DROSHA: variants seen among roughly 807,000 people sequenced by gnomAD.
DROSHA encodes ribonuclease 3.
Under a neutral mutation model 181.9 loss-of-function variants are expected in DROSHA, and 56 were observed. The observed-to-expected ratio is 0.31, with a 90% CI of 0.25 to 0.38. DROSHA has a LOEUF of 0.38. Ranked by LOEUF, DROSHA falls within the 10% of genes least tolerant of loss-of-function variation. The probability of loss-of-function intolerance (pLI) is 1.00; values close to 1 mark genes in which losing one functional copy is unlikely to be tolerated. For missense variants in DROSHA, 1,218 were observed against 1,743.5 expected (o/e 0.70, Z 5.37); for synonymous variants, 524 against 591.2 (o/e 0.89, Z 1.65).
chr5:31,476,255 C>G (rs1750359211), intron 16 of DROSHA, among the ~76,000 whole-genome samples: 1 of 152,160 alleles, frequency 6.6e-6, no homozygotes, highest in African/African-American at 2.4e-5. Context: ...ATCCCAGCTA[C>G]TCAGGAGGCT....
rs17485810 is a variant in DROSHA at position 31,435,864 on chromosome 5, G to A, written c.2943C>T (p.Ser981=). The A allele has an allele frequency of 2.6e-3, 4,241 of 1,602,326 alleles. 35 individuals are homozygous for A. The highest frequency in any genetic ancestry group is 0.017 in the South Asian group (1,487 of 88,492). ...LGDAVVEFLT[S]VHLYYLFPSL... ...TAGGAAACAAATAGTACAAATGGACGCTACAAAAAAAAAAAGAAGTACATG... is the reference window on the plus strand; with the variant it reads ...TAGGAAACAAATAGTACAAATGGACACTACAAAAAAAAAAAGAAGTACATG... The change falls in exon 25 of 36, where the codon AGC becomes AGT. Residue 981 remains serine (S), a splice_region_variant and synonymous_variant. Transcript: ENST00000344624.
At chr5:31,423,436 A>G (rs1743026548) in intron 28 of DROSHA, 1 of 153,148 alleles carries the variant, frequency 6.5e-6, no homozygotes, top group Admixed American at 6.5e-5. Flanking sequence ...CTGCCCTTTA[A>G]AAACTACTGC....
chr5:31,422,943 A>T lies in DROSHA; in HGVS notation c.3263T>A (p.Leu1088Gln), dbSNP rs1283102402. Residue 1088 changes from leucine to glutamine, a missense_variant and splice_region_variant, in exon 29 of 36, where the codon CTA becomes CAA. Around this residue, in one of 8 missense-constraint regions of DROSHA, gnomAD observed 71 missense variants for 95.2 expected, o/e 0.75. Coordinates refer to ENST00000344624, the MANE Select transcript of DROSHA (RefSeq NM_001382508.1). ...WLNYPLHPLQ[L>Q]QEPNTDRQLI... ...TTGTCGATCAGTATTTGGCTCTTGTAGCTACAGGAAAATAGAAATAAATAA... is the reference window on the plus strand; with the variant it reads ...TTGTCGATCAGTATTTGGCTCTTGTTGCTACAGGAAAATAGAAATAAATAA... 6.4e-7 allele frequency: 1 copy of T among 1,564,850 alleles called. No individual in the cohort carries two copies. Among genetic ancestry groups the T allele is most frequent in the Non-Finnish European group, 8.6e-7 (1 of 1,159,950 alleles).
chr5:31,518,585 C>T (rs1308963734), intron 6 of DROSHA, among the ~76,000 whole-genome samples: 1 of 152,178 alleles, frequency 6.6e-6, no homozygotes, highest in Non-Finnish European at 1.5e-5. Context: ...ACTCTTAGCT[C>T]CTAGGGACTC....
chr5:31,422,435 C>T (rs1321470037), intron 29 of DROSHA, among the ~76,000 whole-genome samples: 1 of 152,194 alleles, frequency 6.6e-6, no homozygotes, highest in Non-Finnish European at 1.5e-5. Context: ...TGCATTTCAT[C>T]GATGGCTGCT....
chr5:31,473,135 T>C (rs757543313), intron 16 of DROSHA, among the ~76,000 whole-genome samples: 1 of 152,126 alleles, frequency 6.6e-6, no homozygotes, highest in Non-Finnish European at 1.5e-5. Context: ...CTATGAACAG[T>C]AGTACAGGAC....
At chr5:31,420,039 C>T (rs1375660599) in intron 30 of DROSHA, among the ~76,000 whole-genome samples, 1 of 152,210 alleles carries the variant, frequency 6.6e-6, no homozygotes, top group South Asian at 2.1e-4. Context: ...AGATACTCAT[C>T]GAGTGAGTGA....
chr5:31,455,775 G>T (rs1052332578), intron 20 of DROSHA, among the ~76,000 whole-genome samples: 4 of 151,660 alleles, frequency 2.6e-5, no homozygotes, highest in African/African-American at 9.7e-5. Flanking sequence ...CAAGTAGCTG[G>T]GACCACAGGT....
intron 13 of DROSHA, among the ~76,000 whole-genome samples, 156 bp downstream of exon 13, chr5:31,493,051 C>T (rs1207134114): frequency 6.6e-6 from 1 of 152,198 alleles, no homozygotes. Flanking sequence ...CCACCTGATG[C>T]ACTGCTGCAG....
intron 8 of DROSHA, among the ~76,000 whole-genome samples, chr5:31,512,054 A>C (rs1429452462): frequency 6.6e-6 from 1 of 152,100 alleles, no homozygotes; most frequent in Non-Finnish European, 1.5e-5. Context: ...TCCTAGAGAA[A>C]ATTTTCCACT....
At chr5:31,404,260 T>C (rs1305952930) in intron 35 of DROSHA, among the ~76,000 whole-genome samples, 1 of 152,200 alleles carries the variant, frequency 6.6e-6, no homozygotes, top group Non-Finnish European at 1.5e-5. Context: ...TACTGTTTTA[T>C]AGTTGAAAAC....
chr5:31,410,719 G>T, intron 31 of DROSHA, 27 bp downstream of exon 31: 1 of 1,605,638 alleles, frequency 6.2e-7, no homozygotes, highest in Non-Finnish European at 8.5e-7. Flanking sequence ...GAACCTGGAG[G>T]TTGAGAGAAA....
chr5:31,411,005 AGGTCTATGGCCT>A lies in DROSHA; in HGVS notation c.3526-130_3526-119del. ...ACTGACAGGGACACCAAAATAAGTG[AGGTCTATGGCCT>A]CAACCATCACCCAGATGACAGTGAT... On this transcript the variant is annotated intron_variant, in intron 30 of 35. Transcript: ENST00000344624. This position sits in a 1 kb window ranked among gnomAD's most constrained non-coding sequence, Gnocchi z 4.2. 3 of 1,437,562 alleles carry A rather than the reference AGGTCTATGGCCT, an allele frequency of 2.1e-6. No individual in the cohort carries two copies. The highest frequency in any genetic ancestry group is 2.8e-6 in the Non-Finnish European group (3 of 1,058,992). 89.1% of individuals were successfully genotyped at this position (1,437,562 alleles called of 1,614,324 possible).
At position 31,454,504 on chromosome 5, in the gene DROSHA, C is replaced by T. The variant is rs74633959; in HGVS notation, c.2575-2864G>A. Among the ~76,000 whole-genome samples the T allele has an allele frequency of 1.0e-3, 158 of 152,276 alleles. No individual in the cohort carries two copies. In the East Asian group the frequency reaches 0.02, roughly 19 times the overall value. On this transcript the variant is annotated intron_variant, in intron 20 of 35. Transcript: ENST00000344624. ...GAAAAACTATCCTGGCTTATACCTC[C>T]TTTCTAAAAGTACAGGAAACTATTT...
At chr5:31,493,146 G>A in intron 13 of DROSHA, 61 bp downstream of exon 13, 1 of 1,495,958 alleles carries the variant, frequency 6.7e-7, no homozygotes. Context: ...TTTGACTTTT[G>A]GAAAGAAGGG....
At chr5:31,430,892 C>T (rs1292949043) in intron 26 of DROSHA, among the ~76,000 whole-genome samples, 1 of 152,108 alleles carries the variant, frequency 6.6e-6, no homozygotes, top group Non-Finnish European at 1.5e-5. Context: ...TGTACTTGAT[C>T]ATTTACTTTA....
intron 20 of DROSHA, among the ~76,000 whole-genome samples, chr5:31,463,335 T>C (rs1580180989): frequency 6.6e-6 from 1 of 152,314 alleles, no homozygotes; most frequent in East Asian, 1.9e-4. Flanking sequence ...TTTTAAACCC[T>C]GCTAGTCAAT....
intron 34 of DROSHA, among the ~76,000 whole-genome samples, chr5:31,406,276 G>T (rs182903651): frequency 6.6e-6 from 1 of 152,156 alleles, no homozygotes; most frequent in East Asian, 1.9e-4. Context: ...GGGAGGCTGA[G>T]GGGGGGTTGG....
At chr5:31,429,604 C>T in intron 26 of DROSHA, 59 bp from the exon 27 acceptor site, 1 of 1,479,460 alleles carries the variant, frequency 6.8e-7, no homozygotes, top group Non-Finnish European at 9.3e-7. Flanking sequence ...AAGAAAATGA[C>T]ATATCTCTAT....
Sources: gnomAD v4.1 joint callset for allele counts (sites outside exome capture counted in the v4.1 genomes callset) on GRCh38, gnomAD v4.1.1 for gene constraint, gnomAD v4.1.1 regional missense constraint, Gnocchi (gnomAD v3.1) non-coding constraint, MANE v1.5 for transcripts, NCBI Gene and HGNC (gene_info 2026-07-23, HGNC 2026-07-21) for gene names.